TMTC2: variants seen among roughly 807,000 people sequenced by gnomAD.
TMTC2 encodes the protein protein O-mannosyl-transferase TMTC2.
TMTC2 carries 43 observed loss-of-function variants against 82.4 expected under a neutral mutation model. That is an observed-to-expected ratio of 0.52 (90% CI 0.41 to 0.67). The LOEUF (loss-of-function observed/expected upper bound fraction) is 0.67. Among genes scored for constraint, TMTC2 ranks in the 30% least tolerant of loss-of-function variants. TMTC2 has a pLI of 0.00. For missense variants in TMTC2, 919 were observed against 1,012.4 expected (o/e 0.91, Z 1.25); for synonymous variants, 408 against 381.9 (o/e 1.07, Z -0.80).
At chr12:82,830,485 T>G (rs897137612) in intron 1 of TMTC2, among the ~76,000 whole-genome samples, 1 of 152,120 alleles carries the variant, frequency 6.6e-6, no homozygotes, top group Non-Finnish European at 1.5e-5. Flanking sequence ...TAGTAGAACA[T>G]CAGATATCAG....
intron 4 of TMTC2, among the ~76,000 whole-genome samples, chr12:82,960,846 G>A (rs180871860): frequency 3.3e-5 from 5 of 151,744 alleles, no homozygotes; most frequent in African/African-American, 1.2e-4. Context: ...AATGTATAAT[G>A]TGTTCCTGTT....
chr12:82,807,127 G>A (rs897943963), intron 1 of TMTC2, among the ~76,000 whole-genome samples: 1 of 152,144 alleles, frequency 6.6e-6, no homozygotes, highest in Non-Finnish European at 1.5e-5. Flanking sequence ...TTAGTGTGCT[G>A]TTCATTCAAT....
chr12:83,094,888 G>A (rs149869237), intron 11 of TMTC2, among the ~76,000 whole-genome samples: 1 of 152,300 alleles, frequency 6.6e-6, no homozygotes, highest in Non-Finnish European at 1.5e-5. Flanking sequence ...TCCTGGAAGC[G>A]TGTCATGCAA....
rs763572852 is a variant in TMTC2, at chr12:83,103,393, A to G, written c.2332-28817A>G. 2.4e-4 allele frequency among the ~76,000 whole-genome samples: 37 copies of G among 152,202 alleles called. 1 individual carries two copies. The highest frequency in any genetic ancestry group is 4.9e-4 in the Non-Finnish European group (33 of 68,032). ...AGGTTTAATTGGCTCATAGTTCTAT[A>G]GGCTGTACAGGAAGCATGGCACCAA... is the stretch of plus-strand genomic sequence containing the variant. On this transcript the variant is annotated intron_variant, in intron 11 of 11. Coordinates refer to ENST00000321196, the MANE Select transcript of TMTC2 (RefSeq NM_152588.3).
chr12:82,918,311 T>TA (rs1355307404), intron 3 of TMTC2, among the ~76,000 whole-genome samples: 1 of 152,236 alleles, frequency 6.6e-6, no homozygotes, highest in African/African-American at 2.4e-5. Context: ...CGGTTTGTGA[T>TA]AGATGACTGG....
chr12:83,040,964 A>G (rs772221677), intron 9 of TMTC2, among the ~76,000 whole-genome samples: 4 of 152,086 alleles, frequency 2.6e-5, no homozygotes, highest in African/African-American at 9.7e-5. Flanking sequence ...GATTACAGGC[A>G]TGAGCCACCG....
At chr12:83,107,877 T>C (rs1884465408) in intron 11 of TMTC2, among the ~76,000 whole-genome samples, 1 of 152,196 alleles carries the variant, frequency 6.6e-6, no homozygotes, top group Admixed American at 6.6e-5. Context: ...AATCTCACGT[T>C]GAATTGGAAT....
At chr12:82,764,256 A>G (rs1388103253) in intron 1 of TMTC2, among the ~76,000 whole-genome samples, 3 of 151,978 alleles carry the variant, frequency 2.0e-5, no homozygotes, top group Non-Finnish European at 2.9e-5. Flanking sequence ...TTCTGCCTCA[A>G]CCTCTAGAGT....
At chr12:83,077,660 T>C (rs1003595637) in intron 11 of TMTC2, among the ~76,000 whole-genome samples, 3 of 152,144 alleles carry the variant, frequency 2.0e-5, no homozygotes, top group South Asian at 2.1e-4. Context: ...CTGCATCCTC[T>C]GCCTCCCGAG....
intron 1 of TMTC2, among the ~76,000 whole-genome samples, chr12:82,719,085 A>ATATATATATTTT (rs1282211374): frequency 4.8e-5 from 2 of 41,414 alleles, no homozygotes; most frequent in East Asian, 9.7e-4. Context: ...ATATATATAT[A>ATATATATATTTT]TTTTTTTTTT....
At chr12:82,819,594 C>A (rs1868966056) in intron 1 of TMTC2, among the ~76,000 whole-genome samples, 1 of 151,066 alleles carries the variant, frequency 6.6e-6, no homozygotes, top group African/African-American at 2.4e-5. Flanking sequence ...CTCCACCTCC[C>A]AGGTCCAAGC....
At chr12:83,020,084 G>A (rs1401499418) in intron 8 of TMTC2, among the ~76,000 whole-genome samples, 18 of 152,166 alleles carry the variant, frequency 1.2e-4, no homozygotes, top group Admixed American at 1.2e-3. Context: ...TTTAGATCAA[G>A]CATCAATTCT....
chr12:82,770,818 T>C (rs1877255157), intron 1 of TMTC2, among the ~76,000 whole-genome samples: 1 of 152,168 alleles, frequency 6.6e-6, no homozygotes, highest in African/African-American at 2.4e-5. Context: ...TATTAGTTGT[T>C]TCCTTGCTTA....
chr12:82,939,663 A>G (rs1006340122), intron 4 of TMTC2, among the ~76,000 whole-genome samples: 1 of 152,150 alleles, frequency 6.6e-6, no homozygotes, highest in Non-Finnish European at 1.5e-5. Context: ...ATAGCTACCT[A>G]TCACTTAGAA....
At chr12:82,836,027 C>A (rs1174691960) in intron 1 of TMTC2, among the ~76,000 whole-genome samples, 1 of 152,158 alleles carries the variant, frequency 6.6e-6, no homozygotes, top group Non-Finnish European at 1.5e-5. Context: ...GCTCTAACAC[C>A]ATGTTTCATG....
At chr12:82,888,792 G>T (rs1347773392) in intron 2 of TMTC2, among the ~76,000 whole-genome samples, 2 of 152,200 alleles carry the variant, frequency 1.3e-5, no homozygotes, top group Non-Finnish European at 1.5e-5. Flanking sequence ...AGCTCTAGAA[G>T]AGAGTGTTTT....
At chr12:82,793,293 G>T (rs570798764) in intron 1 of TMTC2, among the ~76,000 whole-genome samples, 15 of 150,984 alleles carry the variant, frequency 9.9e-5, no homozygotes, top group Non-Finnish European at 2.1e-4. Context: ...ACTTTTCGTC[G>T]TGCTTTCATT....
intron 1 of TMTC2, among the ~76,000 whole-genome samples, chr12:82,718,792 A>C (rs533308056): frequency 1.3e-5 from 2 of 150,304 alleles, no homozygotes; most frequent in East Asian, 4.0e-4. Context: ...AGGAAAATGG[A>C]AGTTGGTAGT....
At chr12:82,977,600 A>G (rs1878731072) in intron 7 of TMTC2, among the ~76,000 whole-genome samples, 1 of 151,830 alleles carries the variant, frequency 6.6e-6, no homozygotes, top group Non-Finnish European at 1.5e-5. Context: ...CATGTGGAAT[A>G]CATAGTTCAT....
Sources: allele counts gnomAD v4.1 joint callset (sites outside exome capture counted in the v4.1 genomes callset), GRCh38; gene constraint gnomAD v4.1.1; transcripts MANE v1.5; gene names NCBI Gene and HGNC (gene_info 2026-07-23, HGNC 2026-07-21).